The following DENND1A variants were observed in gnomAD, a reference collection of about 807,000 sequenced individuals.
The protein encoded by DENND1A is DENN domain containing 1A, also known as DENN domain-containing protein 1A.
In DENND1A, 51 loss-of-function variants were observed where a neutral mutation model predicts 113.7. That is an observed-to-expected ratio of 0.45 (90% CI 0.36 to 0.57). The LOEUF is 0.57. Among genes scored for constraint, DENND1A ranks in the 20% least tolerant of loss-of-function variants. DENND1A has a pLI of 0.00. For synonymous variants in DENND1A, 565 were observed against 570.8 expected (o/e 0.99, Z 0.14); for missense variants, 1,258 against 1,395.9 (o/e 0.90, Z 1.57).
intron 13 of DENND1A, among the ~76,000 whole-genome samples, chr9:123,509,921 T>C (rs1362205164): frequency 6.6e-6 from 1 of 152,246 alleles, no homozygotes; most frequent in African/African-American, 2.4e-5. Flanking sequence ...TTCTCCTTAT[T>C]TCTGAGAAGT....
intron 1 of DENND1A, among the ~76,000 whole-genome samples, chr9:123,916,678 T>C (rs1046447197): frequency 6.6e-6 from 1 of 152,106 alleles, no homozygotes; most frequent in African/African-American, 2.4e-5. Context: ...CGGCTGCCTT[T>C]TTTGTTTTAA....
intron 4 of DENND1A, chr9:123,759,777 G>T (rs2070885143): frequency 6.6e-6 from 1 of 152,252 alleles, no homozygotes; most frequent in African/African-American, 2.4e-5. Flanking sequence ...GCTAGTTCCT[G>T]TCAGAGAAGA....
chr9:123,461,880 T>C (rs1056240706), intron 13 of DENND1A: 1 of 113,592 alleles, frequency 8.8e-6, no homozygotes, highest in African/African-American at 3.5e-5. Context: ...GAATTAGACA[T>C]GGGAAGAAAG....
At chr9:123,681,799 C>T (rs2064479450) in intron 5 of DENND1A, among the ~76,000 whole-genome samples, 1 of 151,854 alleles carries the variant, frequency 6.6e-6, no homozygotes, top group Admixed American at 6.6e-5. Context: ...TTATAATGAG[C>T]ACACTTAGTG....
chr9:123,383,587 T>C, intron 23 of DENND1A, 68 bp downstream of exon 23: 1 of 1,557,776 alleles, frequency 6.4e-7, no homozygotes, highest in South Asian at 1.2e-5. Context: ...CACTGTCACA[T>C]GGGGATCCCA....
chr9:123,730,407 AG>A (rs1420131908), intron 5 of DENND1A, among the ~76,000 whole-genome samples: 3 of 152,238 alleles, frequency 2.0e-5, no homozygotes, highest in African/African-American at 7.2e-5. Context: ...TAAATTTACA[AG>A]AAAAAAAACA....
At chr9:123,856,032 C>T (rs661812) in intron 2 of DENND1A, among the ~76,000 whole-genome samples, 13,129 of 151,938 alleles carry the variant, frequency 0.086, 974 homozygotes, top group African/African-American at 0.2. Flanking sequence ...AGCAAAACTC[C>T]GTCTCAAAAA....
At chr9:123,849,297 A>G (rs2769938) in intron 2 of DENND1A, among the ~76,000 whole-genome samples, 113,407 of 152,120 alleles carry the variant, frequency 0.75, 46,297 homozygotes, top group East Asian at 0.94. Flanking sequence ...GAAAATCCTA[A>G]GGTTCTTAAG....
intron 6 of DENND1A, among the ~76,000 whole-genome samples, chr9:123,674,342 TCACACACACACACACACA>T (rs546398875): frequency 9.7e-4 from 129 of 132,374 alleles, no homozygotes; most frequent in African/African-American, 2.1e-3. Context: ...TGTCTCTCTC[TCACACACACACACACACA>T]CACACACACA....
chr9:123,785,055 C>T (rs1009931848), intron 3 of DENND1A, among the ~76,000 whole-genome samples: 7 of 152,080 alleles, frequency 4.6e-5, no homozygotes, highest in African/African-American at 1.4e-4. Context: ...CTCTTATATA[C>T]AAAGTAGTTT....
chr9:123,840,634 C>A (rs184489608), intron 2 of DENND1A, among the ~76,000 whole-genome samples: 7 of 152,292 alleles, frequency 4.6e-5, no homozygotes, highest in African/African-American at 1.7e-4. Flanking sequence ...AAGGGCCTAG[C>A]ACAGTGCCGG....
intron 2 of DENND1A, among the ~76,000 whole-genome samples, chr9:123,809,240 C>G (rs1487404240): frequency 2.0e-5 from 3 of 152,194 alleles, no homozygotes; most frequent in Admixed American, 6.5e-5. Context: ...ATATTAGACT[C>G]ATAGCACACA....
At chr9:123,774,174 A>T (rs1170748518) in intron 3 of DENND1A, among the ~76,000 whole-genome samples, 1 of 152,152 alleles carries the variant, frequency 6.6e-6, no homozygotes, top group Non-Finnish European at 1.5e-5. Context: ...CCATAAGGGA[A>T]ATGCTGACCC....
intron 3 of DENND1A, among the ~76,000 whole-genome samples, chr9:123,789,392 A>T (rs1832674171): frequency 6.6e-6 from 1 of 152,148 alleles, no homozygotes; most frequent in South Asian, 2.1e-4. Context: ...ATCAGAGCTG[A>T]GAGGACTGAA....
At chr9:123,781,038 T>A (rs946807190) in intron 3 of DENND1A, among the ~76,000 whole-genome samples, 9 of 152,198 alleles carry the variant, frequency 5.9e-5, no homozygotes, top group African/African-American at 2.2e-4. Flanking sequence ...TTGAGAATCT[T>A]GATTAGCATT....
intron 21 of DENND1A, among the ~76,000 whole-genome samples, chr9:123,395,468 C>CTCTCTCTGTGTGTGTGTGTGTGTGTGTG (rs367751848): frequency 6.8e-4 from 97 of 142,974 alleles, no homozygotes; most frequent in African/African-American, 1.7e-3. Flanking sequence ...CTCTCTCTCT[C>CTCTCTCTGTGTGTGTGTGTGTGTGTGTG]TGTGTGTGTG....
chr9:123,759,946 G>T (rs1737454561), intron 4 of DENND1A, among the ~76,000 whole-genome samples: 2 of 152,126 alleles, frequency 1.3e-5, no homozygotes, highest in Non-Finnish European at 2.9e-5. Flanking sequence ...ATCCATTTTT[G>T]TAAGTTACAG....
At chr9:123,859,983 T>C (rs1301385443) in intron 2 of DENND1A, among the ~76,000 whole-genome samples, 3 of 152,106 alleles carry the variant, frequency 2.0e-5, no homozygotes, top group African/African-American at 7.2e-5. Flanking sequence ...TATTGTGGTC[T>C]CAGCTGTGTT....
At chr9:123,690,482 T>G (rs1484967233) in intron 5 of DENND1A, among the ~76,000 whole-genome samples, 1 of 152,216 alleles carries the variant, frequency 6.6e-6, no homozygotes, top group African/African-American at 2.4e-5. Flanking sequence ...ATATTATATA[T>G]TCATTAAAAT....
Sources: gnomAD v4.1 joint callset for allele counts (sites outside exome capture counted in the v4.1 genomes callset) on GRCh38, gnomAD v4.1.1 for gene constraint, MANE v1.5 for transcripts, NCBI Gene and HGNC (gene_info 2026-07-23, HGNC 2026-07-21) for gene names.